DLGAP1: variants seen among roughly 807,000 people sequenced by gnomAD.
DLGAP1 encodes the protein disks large-associated protein 1.
Under a neutral mutation model 90.8 loss-of-function variants are expected in DLGAP1, and 11 were observed. The ratio of observed to expected loss-of-function variants is 0.12; its 90% CI spans 0.08 to 0.20. DLGAP1 has a LOEUF of 0.20. DLGAP1 is among the 10% of genes least tolerant of loss of function. The pLI is 1.00. For missense variants in DLGAP1, 1,050 were observed against 1,333.8 expected (o/e 0.79, Z 3.31); for synonymous variants, 558 against 540.7 (o/e 1.03, Z -0.44).
chr18:3,719,556 C>CAAAAAAAAAA (rs60129859), intron 7 of DLGAP1, among the ~76,000 whole-genome samples: 4 of 58,412 alleles, frequency 6.8e-5, no homozygotes, highest in African/African-American at 2.2e-4. Context: ...GACTCTGTCT[C>CAAAAAAAAAA]AAAAAAAAAA....
chr18:4,200,580 T>C (rs1301793603), intron 1 of DLGAP1, among the ~76,000 whole-genome samples: 1 of 150,650 alleles, frequency 6.6e-6, no homozygotes, highest in Non-Finnish European at 1.5e-5. Flanking sequence ...GGAATAAATA[T>C]TAAATATTTA....
intron 7 of DLGAP1, among the ~76,000 whole-genome samples, chr18:3,635,654 T>C (rs749497097): frequency 4.0e-5 from 6 of 151,554 alleles, no homozygotes; most frequent in Non-Finnish European, 8.8e-5. Flanking sequence ...TGCTAACAAC[T>C]TCCTTATGTT....
intron 2 of DLGAP1, among the ~76,000 whole-genome samples, chr18:4,090,664 A>G (rs1379190203): frequency 6.6e-6 from 1 of 152,212 alleles, no homozygotes; most frequent in East Asian, 1.9e-4. Context: ...AATTACTTTA[A>G]TCACTGTGGA....
At chr18:3,615,560 A>G (rs2057827083) in intron 7 of DLGAP1, among the ~76,000 whole-genome samples, 1 of 152,204 alleles carries the variant, frequency 6.6e-6, no homozygotes, top group Non-Finnish European at 1.5e-5. Context: ...CAGAGAGGGC[A>G]TTGAAGCAAG....
chr18:4,036,609 AC>A (rs1410772633), intron 2 of DLGAP1, among the ~76,000 whole-genome samples: 10 of 152,202 alleles, frequency 6.6e-5, no homozygotes. Flanking sequence ...CGTTCTAAAT[AC>A]TTTTTCAACA....
At chr18:3,746,144 G>T (rs541114828) in intron 5 of DLGAP1, among the ~76,000 whole-genome samples, 23 of 152,260 alleles carry the variant, frequency 1.5e-4, no homozygotes, top group African/African-American at 5.1e-4. Context: ...GCAAGGAAAA[G>T]ATCAAGTATT....
At position 4,199,976 on chromosome 18, in the gene DLGAP1, C is replaced by T. The variant is rs539556753; in HGVS notation, c.-266-48689G>A. Reference sequence around the variant, plus strand: ...AATTATGAAATCATGGTCTCATCATCCAAATAGAACTCTTAGTATTATGGA... The same window carrying T: ...AATTATGAAATCATGGTCTCATCATTCAAATAGAACTCTTAGTATTATGGA... On this transcript the variant is annotated intron_variant, in intron 1 of 12. Transcript: ENST00000315677. Among the ~76,000 whole-genome samples the T allele has an allele frequency of 9.1e-4, 138 of 152,268 alleles. 1 individual carries two copies. The South Asian group carries it at 0.017, about 19-fold the overall frequency.
chr18:4,175,778 T>C (rs1235846107), intron 1 of DLGAP1, among the ~76,000 whole-genome samples: 1 of 152,202 alleles, frequency 6.6e-6, no homozygotes, highest in Non-Finnish European at 1.5e-5. Flanking sequence ...TTGGTCTATA[T>C]CTTTTTTGAT....
chr18:4,089,853 G>A (rs919454879), intron 2 of DLGAP1, among the ~76,000 whole-genome samples: 10 of 152,274 alleles, frequency 6.6e-5, no homozygotes, highest in South Asian at 4.1e-4. Context: ...AGACCATCCT[G>A]GCTAACACGG....
At position 3,517,777 on chromosome 18, in the gene DLGAP1, A is replaced by T. The variant is rs548410; in HGVS notation, c.2480-9116T>A. ...GGTTGCAGTGAGCCGAGATCGTGCC[A>T]TTGCACTCCAGCCTGGGCAACAAGA... On this transcript the variant is annotated intron_variant, in intron 10 of 12. Coordinates refer to ENST00000315677, the MANE Select transcript of DLGAP1 (RefSeq NM_004746.4). The surrounding 1 kb of genome is among the most constrained non-coding windows in gnomAD (Gnocchi z 4.1). Among the ~76,000 whole-genome samples the T allele has an allele frequency of 6.6e-6, 1 of 150,856 alleles. No individual in the cohort carries two copies. The highest frequency in any genetic ancestry group is 1.5e-5 in the Non-Finnish European group (1 of 67,918).
At chr18:4,261,255 C>T (rs1183119266) in intron 1 of DLGAP1, among the ~76,000 whole-genome samples, 1 of 152,154 alleles carries the variant, frequency 6.6e-6, no homozygotes, top group African/African-American at 2.4e-5. Flanking sequence ...CCAAGTCGGA[C>T]TCTATGCCTG....
intron 11 of DLGAP1, among the ~76,000 whole-genome samples, chr18:3,506,513 C>CAAAAAAAA (rs11316330): frequency 4.3e-5 from 3 of 69,624 alleles, no homozygotes; most frequent in African/African-American, 5.6e-5. Flanking sequence ...GACTCCGTCT[C>CAAAAAAAA]AAAAAAAAAA....
chr18:4,370,422 G>A (rs1377166043), intron 1 of DLGAP1, among the ~76,000 whole-genome samples: 1 of 152,198 alleles, frequency 6.6e-6, no homozygotes, highest in African/African-American at 2.4e-5. Context: ...AGCAGTACAT[G>A]AGGAGTTAAA....
intron 1 of DLGAP1, among the ~76,000 whole-genome samples, chr18:4,339,655 T>C (rs2081146874): frequency 6.6e-6 from 1 of 152,110 alleles, no homozygotes; most frequent in East Asian, 1.9e-4. Flanking sequence ...AAATTATAGA[T>C]TCTATTATTC....
At chr18:3,841,984 A>G (rs1014442544) in intron 4 of DLGAP1, among the ~76,000 whole-genome samples, 2 of 152,120 alleles carry the variant, frequency 1.3e-5, no homozygotes, top group African/African-American at 4.8e-5. Context: ...GGGTGCTATG[A>G]GAGCATATTG....
chr18:4,063,848 G>T (rs1313656691), intron 2 of DLGAP1, among the ~76,000 whole-genome samples: 1 of 151,760 alleles, frequency 6.6e-6, no homozygotes, highest in Admixed American at 6.6e-5. Flanking sequence ...TAGGTAGTTG[G>T]GTCTTCATTC....
At chr18:3,972,730 GACACCATCACAGCAACATGACACCT>G (rs1216192726) in intron 3 of DLGAP1, among the ~76,000 whole-genome samples, 11 of 152,166 alleles carry the variant, frequency 7.2e-5, no homozygotes, top group Non-Finnish European at 1.6e-4. Flanking sequence ...AGACTCCTGT[GACACCATCACAGCAACATGACACCT>G]CAGGGAGGGA....
chr18:3,636,726 C>CTTTTTTT (rs10606915), intron 7 of DLGAP1, among the ~76,000 whole-genome samples: 2 of 121,258 alleles, frequency 1.6e-5, no homozygotes, highest in Non-Finnish European at 1.7e-5. Context: ...ACTTTTACAT[C>CTTTTTTT]TTTTTTTTTT....
intron 3 of DLGAP1, among the ~76,000 whole-genome samples, chr18:3,937,508 G>C (rs2072669156): frequency 6.6e-6 from 1 of 152,152 alleles, no homozygotes; most frequent in South Asian, 2.1e-4. Flanking sequence ...CCCCGCCCTT[G>C]ATACAGGGGA....
Sources: allele counts gnomAD v4.1 joint callset (sites outside exome capture counted in the v4.1 genomes callset), GRCh38; gene constraint gnomAD v4.1.1; non-coding constraint Gnocchi (gnomAD v3.1); transcripts MANE v1.5; gene names NCBI Gene and HGNC (gene_info 2026-07-23, HGNC 2026-07-21).